The following BTBD9 variants were observed in gnomAD, a reference collection of about 807,000 sequenced individuals.
The protein encoded by BTBD9 is BTB/POZ domain-containing protein 9.
Under a neutral mutation model 64.3 loss-of-function variants are expected in BTBD9, and 49 were observed. The ratio of observed to expected loss-of-function variants is 0.76; its 90% CI spans 0.61 to 0.97. The LOEUF (loss-of-function observed/expected upper bound fraction) is 0.97. Ranked by LOEUF, BTBD9 falls within the 50% of genes least tolerant of loss-of-function variation. The pLI is 0.00. For missense variants in BTBD9, 598 were observed against 762.1 expected (o/e 0.78, Z 2.53); for synonymous variants, 260 against 274.7 (o/e 0.95, Z 0.53).
intron 7 of BTBD9, among the ~76,000 whole-genome samples, chr6:38,296,783 T>G (rs1290440437): frequency 6.6e-6 from 1 of 152,200 alleles, no homozygotes; most frequent in African/African-American, 2.4e-5. Context: ...AGAAGTACGT[T>G]TTCAACTTTC....
At position 38,404,434 on chromosome 6, in the gene BTBD9, T is replaced by C. The variant is rs148634617; in HGVS notation, c.1155-59341A>G. 3.8e-3 allele frequency among the ~76,000 whole-genome samples: 583 copies of C among 152,276 alleles called. 4 individuals carry two copies. Among genetic ancestry groups the C allele is most frequent in the African/African-American group, 0.013 (525 of 41,560 alleles). On this transcript the variant is annotated intron_variant, in intron 6 of 10. Transcript: ENST00000481247. ...GATACAGAAGTAGAATAGACAAATT[T>C]GCATCTTATCTGGCACAGTTCCAAA...
intron 6 of BTBD9, among the ~76,000 whole-genome samples, chr6:38,564,625 A>G (rs186785932): frequency 1.3e-5 from 2 of 152,144 alleles, no homozygotes; most frequent in Admixed American, 1.3e-4. Flanking sequence ...ACGGTGACTC[A>G]CGCCTGTAAT....
intron 1 of BTBD9, among the ~76,000 whole-genome samples, chr6:38,604,584 C>T (rs1215739068): frequency 6.6e-6 from 1 of 152,128 alleles, no homozygotes; most frequent in Non-Finnish European, 1.5e-5. Flanking sequence ...GACCAGATAA[C>T]AAGTAATGTA....
At chr6:38,425,921 A>AAC (rs1310961358) in intron 6 of BTBD9, among the ~76,000 whole-genome samples, 8 of 102,258 alleles carry the variant, frequency 7.8e-5, no homozygotes, top group Non-Finnish European at 1.5e-4. Flanking sequence ...TATCTCAAGA[A>AAC]ACACATACAC....
chr6:38,564,678 G>A (rs1775405474), intron 6 of BTBD9, among the ~76,000 whole-genome samples: 1 of 152,182 alleles, frequency 6.6e-6, no homozygotes, highest in African/African-American at 2.4e-5. Flanking sequence ...CATTAGGTCT[G>A]GAGATTGAGA....
intron 6 of BTBD9, among the ~76,000 whole-genome samples, chr6:38,492,661 G>A (rs1771755235): frequency 6.6e-6 from 1 of 152,034 alleles, no homozygotes; most frequent in Non-Finnish European, 1.5e-5. Context: ...ACTATTTTGT[G>A]TGTATGTATA....
At chr6:38,393,544 T>G (rs917574801) in intron 6 of BTBD9, among the ~76,000 whole-genome samples, 6 of 152,136 alleles carry the variant, frequency 3.9e-5, no homozygotes, top group Non-Finnish European at 8.8e-5. Flanking sequence ...ACTTCTCACT[T>G]CCTATACTAG....
At chr6:38,375,204 C>T (rs1425619909) in intron 6 of BTBD9, among the ~76,000 whole-genome samples, 2 of 152,182 alleles carry the variant, frequency 1.3e-5, no homozygotes, top group African/African-American at 2.4e-5. Flanking sequence ...AAAGTACTGA[C>T]AATCAATGTA....
chr6:38,544,977 G>A (rs1374494806), intron 6 of BTBD9, among the ~76,000 whole-genome samples: 5 of 149,018 alleles, frequency 3.4e-5, no homozygotes, highest in Admixed American at 6.7e-5. Flanking sequence ...AAGGGGAGAT[G>A]GTTGTAGGAG....
chr6:38,402,831 G>A, intron 6 of BTBD9: 1 of 701,232 alleles, frequency 1.4e-6, no homozygotes, highest in Non-Finnish European at 2.6e-6. Flanking sequence ...ACTTTGGAAG[G>A]CCAAGGAGGG....
chr6:38,309,186 A>G (rs1420816566), intron 7 of BTBD9, among the ~76,000 whole-genome samples: 1 of 151,234 alleles, frequency 6.6e-6, no homozygotes, highest in Non-Finnish European at 1.5e-5. Context: ...CCTGGCCAAC[A>G]TGGTGAAACC....
At chr6:38,314,234 C>T (rs1762953477) in intron 7 of BTBD9, among the ~76,000 whole-genome samples, 2 of 151,964 alleles carry the variant, frequency 1.3e-5, no homozygotes, top group East Asian at 1.9e-4. Context: ...CTCGCTCTGT[C>T]GCCCAGGCTG....
At chr6:38,536,295 A>G (rs1204129636) in intron 6 of BTBD9, among the ~76,000 whole-genome samples, 5 of 152,192 alleles carry the variant, frequency 3.3e-5, no homozygotes, top group East Asian at 1.9e-4. Flanking sequence ...ATCCCAGTTA[A>G]AATGGCTTTT....
intron 6 of BTBD9, among the ~76,000 whole-genome samples, chr6:38,395,050 A>G (rs139970624): frequency 7.1e-4 from 108 of 152,168 alleles, no homozygotes; most frequent in African/African-American, 2.4e-3. Flanking sequence ...TCTAACCCCA[A>G]TGGACAGAAT....
intron 6 of BTBD9, among the ~76,000 whole-genome samples, chr6:38,521,940 G>A (rs1290347582): frequency 1.3e-5 from 2 of 152,086 alleles, no homozygotes; most frequent in Admixed American, 6.5e-5. Flanking sequence ...CTCCCAAAGC[G>A]CTAGGGTTAG....
At position 38,430,273 on chromosome 6, in the gene BTBD9, G is replaced by A. The variant is rs142027351; in HGVS notation, c.1155-85180C>T. On this transcript the variant is annotated intron_variant, in intron 6 of 10. Coordinates refer to ENST00000481247, the MANE Select transcript of BTBD9 (RefSeq NM_001099272.2). The stretch of plus-strand genomic sequence containing the variant: ...CTCCCTCTGTTGCCCAGGCTGGAGT[G>A]CAGTGGCATGATCATAGCTCACTGA... 1.3e-3 allele frequency among the ~76,000 whole-genome samples: 197 copies of A among 151,840 alleles called. 1 individual carries two copies. The Middle Eastern group carries it at 0.017, about 13-fold the overall frequency.
intron 9 of BTBD9, among the ~76,000 whole-genome samples, chr6:38,238,859 G>T (rs769417513): frequency 2.6e-4 from 40 of 152,270 alleles, no homozygotes; most frequent in Non-Finnish European, 4.1e-4. Flanking sequence ...TCAGACTTGA[G>T]ATCTGTGTTG....
intron 5 of BTBD9, 147 bp from the exon 6 acceptor site, chr6:38,577,866 T>C: frequency 1.3e-6 from 1 of 753,832 alleles, no homozygotes; most frequent in East Asian, 2.7e-5. Flanking sequence ...AACAAAAGAA[T>C]GTTATGATAG....
At chr6:38,321,487 G>A (rs1763227949) in intron 7 of BTBD9, among the ~76,000 whole-genome samples, 1 of 152,172 alleles carries the variant, frequency 6.6e-6, no homozygotes, top group Admixed American at 6.5e-5. Context: ...GAGGGAAGCA[G>A]CCCATCCATT....
Sources: gnomAD v4.1 joint callset for allele counts (sites outside exome capture counted in the v4.1 genomes callset) on GRCh38, gnomAD v4.1.1 for gene constraint, MANE v1.5 for transcripts, NCBI Gene and HGNC (gene_info 2026-07-23, HGNC 2026-07-21) for gene names.